The following CBLB variants were observed in gnomAD, a reference collection of about 807,000 sequenced individuals.
CBLB encodes Cbl proto-oncogene B.
CBLB carries 31 observed loss-of-function variants against 104.9 expected under a neutral mutation model. That is an observed-to-expected ratio of 0.30 (90% CI 0.22 to 0.40). CBLB has a LOEUF of 0.40. CBLB is among the 10% of genes least tolerant of loss of function. The pLI is 1.00. For missense variants in CBLB, 1,062 were observed against 1,214.6 expected (o/e 0.87, Z 1.87); for synonymous variants, 440 against 422.6 (o/e 1.04, Z -0.51).
intron 4 of CBLB, among the ~76,000 whole-genome samples, chr3:105,771,253 G>A (rs760733011): frequency 6.6e-6 from 1 of 152,082 alleles, no homozygotes; most frequent in East Asian, 1.9e-4. Flanking sequence ...GTTAATAAAT[G>A]TGACACATCA....
chr3:105,820,992 T>C (rs780834702), intron 3 of CBLB, among the ~76,000 whole-genome samples: 26 of 152,140 alleles, frequency 1.7e-4, no homozygotes, highest in Non-Finnish European at 2.6e-4. Flanking sequence ...ACCTATATCA[T>C]TGAAGGTAGG....
chr3:105,709,723 T>C (rs1308574451), intron 10 of CBLB, among the ~76,000 whole-genome samples: 4 of 151,934 alleles, frequency 2.6e-5, no homozygotes, highest in African/African-American at 9.7e-5. Flanking sequence ...ACCATATATG[T>C]GCTAGTTTTT....
rs896812109 is a variant in CBLB at position 105,656,819 on chromosome 3, T to C, written c.*2151A>G. 6.8e-5 allele frequency: 14 copies of C among 205,812 alleles called. No homozygotes were observed. The highest frequency in any genetic ancestry group is 3.0e-5 in the Non-Finnish European group (3 of 100,736). 12.7% of individuals were successfully genotyped at this position (205,812 alleles called of 1,614,324 possible). On this transcript the variant is annotated 3_prime_UTR_variant, in exon 19 of 19. Transcript: ENST00000394030. ...CAATGAAGTGGCAACTTTTGGCCTT[T>C]AGACTGTACCTATCATCAGCAATCA...
chr3:105,830,820 C>A (rs1258076928), intron 3 of CBLB, among the ~76,000 whole-genome samples: 1 of 152,192 alleles, frequency 6.6e-6, no homozygotes, highest in Non-Finnish European at 1.5e-5. Context: ...ATGTCAAACT[C>A]TGTTCTCAAA....
At chr3:105,855,369 TG>T (rs2091466590) in intron 2 of CBLB, among the ~76,000 whole-genome samples, 1 of 152,198 alleles carries the variant, frequency 6.6e-6, no homozygotes, top group Non-Finnish European at 1.5e-5. Flanking sequence ...CTAATAATAC[TG>T]TATTCTGAAA....
At chr3:105,691,751 G>A (rs989603936) in intron 13 of CBLB, among the ~76,000 whole-genome samples, 4 of 152,062 alleles carry the variant, frequency 2.6e-5, no homozygotes, top group Non-Finnish European at 5.9e-5. Flanking sequence ...TAAATATCTC[G>A]CAGTTCCAAG....
intron 3 of CBLB, among the ~76,000 whole-genome samples, chr3:105,838,271 T>G (rs2088920398): frequency 6.8e-6 from 1 of 146,148 alleles, no homozygotes; most frequent in South Asian, 2.2e-4. Context: ...TTTTTTTTTT[T>G]TTTTTTGTAG....
At chr3:105,823,348 G>A (rs940384407) in intron 3 of CBLB, among the ~76,000 whole-genome samples, 5 of 152,130 alleles carry the variant, frequency 3.3e-5, no homozygotes, top group South Asian at 2.1e-4. Context: ...TCCACACAAC[G>A]TAGGGGAAGG....
intron 9 of CBLB, 34 bp downstream of exon 9, chr3:105,733,975 A>G: frequency 6.2e-7 from 1 of 1,602,884 alleles, no homozygotes; most frequent in Non-Finnish European, 8.5e-7. Context: ...AGTAGGACAT[A>G]TAAGAAAGAC....
At chr3:105,771,237 A>G (rs1485413390) in intron 4 of CBLB, among the ~76,000 whole-genome samples, 1 of 152,194 alleles carries the variant, frequency 6.6e-6, no homozygotes, top group Non-Finnish European at 1.5e-5. Flanking sequence ...AGTTTAACAT[A>G]TGTAAGTTAA....
chr3:105,823,446 T>C (rs1008244929), intron 3 of CBLB, among the ~76,000 whole-genome samples: 3 of 152,216 alleles, frequency 2.0e-5, no homozygotes, highest in East Asian at 1.9e-4. Context: ...ATTGAGCATA[T>C]ACATTTTCAT....
chr3:105,867,151 C>A (rs549412155), intron 2 of CBLB, among the ~76,000 whole-genome samples: 2 of 152,122 alleles, frequency 1.3e-5, no homozygotes, highest in East Asian at 3.9e-4. Context: ...CAAAAAGCAG[C>A]CAATGGTAAA....
intron 3 of CBLB, among the ~76,000 whole-genome samples, chr3:105,795,041 GTAGCTGGGA>G (rs2082105762): frequency 6.6e-6 from 1 of 151,626 alleles, no homozygotes; most frequent in Non-Finnish European, 1.5e-5. Flanking sequence ...AGCCTCCCAA[GTAGCTGGGA>G]CTACAGACAC....
At chr3:105,660,717 C>T (rs2063709756) in intron 18 of CBLB, among the ~76,000 whole-genome samples, 2 of 152,084 alleles carry the variant, frequency 1.3e-5, no homozygotes, top group South Asian at 4.1e-4. Flanking sequence ...AGCAACTTTC[C>T]CAATGGCTTC....
At position 105,815,014 on chromosome 3, in the gene CBLB, C is replaced by T. The variant is rs1283906743; in HGVS notation, c.419+38400G>A. Among the ~76,000 whole-genome samples the T allele has an allele frequency of 2.7e-5, 4 of 150,268 alleles. No individual in the cohort carries two copies. The East Asian group carries it at 7.9e-4, about 30-fold the overall frequency. On this transcript the variant is annotated intron_variant, in intron 3 of 18. Transcript: ENST00000394030. ...TAGCCACTAATATCCCAACTGCTTC[C>T]GAAGATGAATTCAAATGCTAGCTCC...
intron 3 of CBLB, among the ~76,000 whole-genome samples, chr3:105,798,271 T>C (rs146276834): frequency 5.5e-4 from 84 of 152,322 alleles, no homozygotes; most frequent in Non-Finnish European, 9.8e-4. Context: ...TTCTGCCCAT[T>C]TGAATGTATT....
intron 4 of CBLB, among the ~76,000 whole-genome samples, chr3:105,760,882 C>G (rs887921060): frequency 6.6e-6 from 1 of 152,054 alleles, no homozygotes; most frequent in South Asian, 2.1e-4. Context: ...ATTAACAAAA[C>G]AAAAACAAAT....
At chr3:105,769,175 G>A (rs186725249) in intron 4 of CBLB, among the ~76,000 whole-genome samples, 17 of 152,148 alleles carry the variant, frequency 1.1e-4, no homozygotes, top group African/African-American at 3.6e-4. Context: ...AAACATTGCC[G>A]GGCGTGGTGG....
chr3:105,853,799 ATTAAC>A, intron 2 of CBLB, 135 bp from the exon 3 acceptor site: 1 of 636,060 alleles, frequency 1.6e-6, no homozygotes, highest in Non-Finnish European at 2.7e-6. Context: ...TCTCCAATTT[ATTAAC>A]TGATAGTCAC....
Sources: gnomAD v4.1 joint callset for allele counts (sites outside exome capture counted in the v4.1 genomes callset) on GRCh38, gnomAD v4.1.1 for gene constraint, MANE v1.5 for transcripts, NCBI Gene and HGNC (gene_info 2026-07-23, HGNC 2026-07-21) for gene names.